LYPD6B: variants seen among roughly 807,000 people sequenced by gnomAD.
LYPD6B encodes LY6/PLAUR domain containing 6B.
LYPD6B carries 17 observed loss-of-function variants against 22.8 expected under a neutral mutation model. That is an observed-to-expected ratio of 0.75 (90% CI 0.51 to 1.12). LYPD6B has a LOEUF of 1.12. Ranked by LOEUF, LYPD6B falls within the 50% of genes most tolerant of loss-of-function variation. The pLI, the probability that LYPD6B is intolerant of heterozygous loss-of-function variation, is 0.00. For missense variants in LYPD6B, 221 were observed against 258.3 expected (o/e 0.86, Z 0.99); for synonymous variants, 106 against 91.6 (o/e 1.16, Z -0.90).
intron 1 of LYPD6B, among the ~76,000 whole-genome samples, chr2:149,087,431 C>T (rs185732991): frequency 2.0e-4 from 30 of 152,148 alleles, no homozygotes; most frequent in Non-Finnish European, 7.4e-5. Context: ...TTGAGTTTGA[C>T]GGCTCATGCC....
chr2:149,130,040 C>T, intron 1 of LYPD6B, among the ~76,000 whole-genome samples: 1 of 152,204 alleles, frequency 6.6e-6, no homozygotes. Flanking sequence ...GTACACCCGC[C>T]TCTTTCTGGT....
At chr2:149,179,409 T>G (rs974382667) in intron 3 of LYPD6B, among the ~76,000 whole-genome samples, 1 of 152,226 alleles carries the variant, frequency 6.6e-6, no homozygotes, top group Admixed American at 6.5e-5. Context: ...GAATTACTTA[T>G]GATGTATAGA....
chr2:149,098,829 G>A (rs1484013890), intron 1 of LYPD6B, among the ~76,000 whole-genome samples: 1 of 151,030 alleles, frequency 6.6e-6, no homozygotes, highest in East Asian at 1.9e-4. Flanking sequence ...ATGATGACGG[G>A]ACTTTGATGC....
intron 3 of LYPD6B, among the ~76,000 whole-genome samples, chr2:149,196,527 G>C (rs1692819250): frequency 6.6e-6 from 1 of 152,180 alleles, no homozygotes; most frequent in Non-Finnish European, 1.5e-5. Context: ...GAAGTAAAAA[G>C]ACAGGACAGA....
At chr2:149,121,709 T>A (rs1575007078) in intron 1 of LYPD6B, among the ~76,000 whole-genome samples, 1 of 152,150 alleles carries the variant, frequency 6.6e-6, no homozygotes, top group Non-Finnish European at 1.5e-5. Context: ...CACTTAGAGC[T>A]GCAGCCACAG....
At chr2:149,103,771 C>CTTTTTTTTTT (rs56739458) in intron 1 of LYPD6B, among the ~76,000 whole-genome samples, 5 of 74,312 alleles carry the variant, frequency 6.7e-5, no homozygotes, top group African/African-American at 2.2e-4. Flanking sequence ...TTGTGCATAT[C>CTTTTTTTTTT]TTTTTTTTTT....
rs111980921 is a variant in LYPD6B, at chr2:149,206,132, A to G, written c.229+728A>G. ...CCACGCCTGGAAGAGTATCAGAATC[A>G]TGATGAAAGGATTTTTAACTGCATA... On this transcript the variant is annotated intron_variant, in intron 4 of 6. Transcript: ENST00000409642. 931 of 368,316 alleles carry G rather than the reference A, an allele frequency of 2.5e-3. 7 individuals are homozygous for G. The highest frequency in any genetic ancestry group is 0.018 in the African/African-American group (836 of 46,976). The allele number at this position is 368,316 out of a possible 1,614,324, so 22.8% of individuals were successfully genotyped here.
chr2:149,068,807 C>G, intron 1 of LYPD6B: 1 of 455,668 alleles, frequency 2.2e-6, no homozygotes, highest in Non-Finnish European at 4.5e-6. Context: ...GATCATTTTG[C>G]AAGGCCCACA....
At chr2:149,125,883 T>A (rs1357326991) in intron 1 of LYPD6B, among the ~76,000 whole-genome samples, 1 of 152,226 alleles carries the variant, frequency 6.6e-6, no homozygotes, top group Non-Finnish European at 1.5e-5. Flanking sequence ...TGAAGTTTTG[T>A]TGATAGTAAA....
At chr2:149,106,690 G>T (rs1686489338) in intron 1 of LYPD6B, among the ~76,000 whole-genome samples, 1 of 151,904 alleles carries the variant, frequency 6.6e-6, no homozygotes, top group African/African-American at 2.4e-5. Context: ...TAATCAATCT[G>T]TATGGAAGGT....
chr2:149,195,831 A>G (rs1250709797), intron 3 of LYPD6B, among the ~76,000 whole-genome samples: 1 of 152,190 alleles, frequency 6.6e-6, no homozygotes, highest in Non-Finnish European at 1.5e-5. Flanking sequence ...AATTTGCATA[A>G]AACTCTCTGC....
intron 1 of LYPD6B, among the ~76,000 whole-genome samples, chr2:149,080,366 C>T (rs765546712): frequency 3.9e-5 from 6 of 152,186 alleles, no homozygotes; most frequent in Non-Finnish European, 8.8e-5. Context: ...ATTACATCTG[C>T]AATGGACCTG....
chr2:149,157,125 A>T (rs961301138), intron 2 of LYPD6B, among the ~76,000 whole-genome samples: 1 of 152,120 alleles, frequency 6.6e-6, no homozygotes, highest in African/African-American at 2.4e-5. Context: ...TTTCATTCTG[A>T]GGGCTCCTGA....
chr2:149,131,154 A>G (rs1688004830), intron 2 of LYPD6B: 2 of 492,776 alleles, frequency 4.1e-6, no homozygotes, highest in Admixed American at 3.8e-5. Flanking sequence ...TTGACTTTTT[A>G]TGAAAGAACT....
intron 3 of LYPD6B, among the ~76,000 whole-genome samples, chr2:149,178,124 C>T (rs1691453155): frequency 6.6e-6 from 1 of 151,990 alleles, no homozygotes; most frequent in African/African-American, 2.4e-5. Flanking sequence ...ATCCTTGACT[C>T]CAATTAAATC....
At chr2:149,187,445 G>A in intron 3 of LYPD6B, 2 of 1,532,078 alleles carry the variant, frequency 1.3e-6, no homozygotes, top group Non-Finnish European at 1.8e-6. Flanking sequence ...GCATTGTACA[G>A]AAGAAGATGA....
At chr2:149,211,689 A>G (rs1472191977) in intron 5 of LYPD6B, among the ~76,000 whole-genome samples, 1 of 151,994 alleles carries the variant, frequency 6.6e-6, no homozygotes, top group Non-Finnish European at 1.5e-5. Flanking sequence ...CTCACCTATG[A>G]CAAAGGCAGT....
chr2:149,080,112 T>A (rs539251041), intron 1 of LYPD6B, among the ~76,000 whole-genome samples: 37 of 152,322 alleles, frequency 2.4e-4, no homozygotes, highest in Non-Finnish European at 4.9e-4. Flanking sequence ...ATCATCTCAC[T>A]GTTCTGGATG....
chr2:149,049,827 A>G (rs932525456), intron 1 of LYPD6B, among the ~76,000 whole-genome samples: 2 of 152,162 alleles, frequency 1.3e-5, no homozygotes, highest in African/African-American at 2.4e-5. Context: ...TAAGCATCAG[A>G]TATGTATGGA....
Sources: allele counts gnomAD v4.1 joint callset (sites outside exome capture counted in the v4.1 genomes callset), GRCh38; gene constraint gnomAD v4.1.1; transcripts MANE v1.5; gene names NCBI Gene and HGNC (gene_info 2026-07-23, HGNC 2026-07-21).